Variants in STPG1 observed in about 807,000 individuals in gnomAD.
STPG1 encodes sperm tail PG-rich repeat containing 1, also known as O(6)-methylguanine-induced apoptosis 2.
In STPG1, 33 loss-of-function variants were observed where a neutral mutation model predicts 40.1. The observed-to-expected ratio is 0.82, with a 90% CI of 0.62 to 1.10. The LOEUF (loss-of-function observed/expected upper bound fraction) is 1.10, where lower values mean the gene tolerates loss of function less well. Ranked by LOEUF, STPG1 falls within the 50% of genes least tolerant of loss-of-function variation. The pLI is 0.00. For synonymous variants in STPG1, 150 were observed against 155.0 expected, an observed-to-expected ratio of 0.97 and a Z score of 0.24; for missense variants, 396 against 415.1, an observed-to-expected ratio of 0.95 and a Z score of 0.40.
intron 7 of STPG1, among the ~76,000 whole-genome samples, chr1:24,368,472 G>A (rs1321760092): frequency 1.3e-5 from 2 of 152,196 alleles, no homozygotes; most frequent in South Asian, 4.1e-4. Context: ...CTACGCATGG[G>A]TGAGAGCTGA....
At chr1:24,413,286 C>G (rs1230297059) in intron 1 of STPG1, among the ~76,000 whole-genome samples, 2 of 152,230 alleles carry the variant, frequency 1.3e-5, no homozygotes, top group African/African-American at 4.8e-5. Flanking sequence ...GGGGACACCC[C>G]CTGAGCTGGG....
At chr1:24,395,730 C>T (rs977968329) in intron 2 of STPG1, among the ~76,000 whole-genome samples, 1 of 152,050 alleles carries the variant, frequency 6.6e-6, no homozygotes, top group African/African-American at 2.4e-5. Flanking sequence ...CCAAACCCAG[C>T]CTTGAATAAT....
At chr1:24,374,114 G>C (rs775461505) in intron 5 of STPG1, among the ~76,000 whole-genome samples, 3 of 152,036 alleles carry the variant, frequency 2.0e-5, no homozygotes, top group Non-Finnish European at 4.4e-5. Context: ...GTGTGGCCCC[G>C]CATCAGTTCT....
At chr1:24,379,895 G>T in intron 4 of STPG1, 72 bp from the exon 5 acceptor site, 1 of 1,489,704 alleles carries the variant, frequency 6.7e-7, no homozygotes, top group Non-Finnish European at 9.2e-7. Flanking sequence ...ATGTCAAAAA[G>T]ATGGTGACCA....
At chr1:24,408,963 A>C (rs931444665) in intron 1 of STPG1, among the ~76,000 whole-genome samples, 13 of 152,218 alleles carry the variant, frequency 8.5e-5, no homozygotes, top group African/African-American at 2.2e-4. Context: ...TAATAGAATT[A>C]TTGACAACAT....
intron 7 of STPG1, among the ~76,000 whole-genome samples, chr1:24,365,070 G>A (rs1477352728): frequency 1.3e-5 from 2 of 152,314 alleles, no homozygotes; most frequent in East Asian, 1.9e-4. Flanking sequence ...TGCCTCTGGG[G>A]TGGAATGCAG....
intron 5 of STPG1, among the ~76,000 whole-genome samples, chr1:24,378,906 T>A (rs1197827138): frequency 1.3e-5 from 2 of 152,224 alleles, no homozygotes; most frequent in Non-Finnish European, 2.9e-5. Context: ...TTGCTTGTAT[T>A]TAAGGGTAAG....
chr1:24,378,749 A>C (rs1346135713), intron 5 of STPG1, among the ~76,000 whole-genome samples: 1 of 152,248 alleles, frequency 6.6e-6, no homozygotes, highest in East Asian at 1.9e-4. Context: ...AAACCAAAAT[A>C]GTTTGGAAAA....
At position 24,383,906 on chromosome 1, in the gene STPG1, G is replaced by A; in HGVS notation, c.287C>T (p.Ser96Leu). 6.2e-7 allele frequency: 1 copy of A among 1,605,006 alleles called. No individual in the cohort carries two copies. The highest frequency in any genetic ancestry group is 8.5e-7 in the Non-Finnish European group (1 of 1,171,616). The change falls in exon 4 of 9, where the codon TCA becomes TTA. Residue 96 changes from serine to leucine, a missense_variant. Ser to Leu is a moderately radical substitution (Grantham distance 145). Transcript: ENST00000337248. ...LSKKGTCMFP[S>L]MCARLDTIIS... ...CTCAAGAGAAGTGGTTCTCACCATT[G>A]AGGGAAACATGCAAGTTCCTTTCTT...
intron 6 of STPG1, among the ~76,000 whole-genome samples, chr1:24,372,048 C>T (rs544129238): frequency 6.6e-6 from 1 of 152,224 alleles, no homozygotes; most frequent in South Asian, 2.1e-4. Flanking sequence ...CGTGGCGGCG[C>T]ATGCCTGTAA....
chr1:24,412,589 T>G (rs1557469297), intron 1 of STPG1, among the ~76,000 whole-genome samples: 2 of 152,176 alleles, frequency 1.3e-5, no homozygotes, highest in African/African-American at 4.8e-5. Context: ...CCAGGCATGG[T>G]GGCCCACACC....
chr1:24,401,445 TCTC>T lies in STPG1; in HGVS notation c.-60_-58del. ...TTTGATGAAAAGTTCTACTGCATGT[TCTC>T]CTAAGCACCTGAAACAGCAAAACAC... On this transcript the variant is annotated 5_prime_UTR_variant, in exon 2 of 9. Coordinates refer to ENST00000337248, the MANE Select transcript of STPG1 (RefSeq NM_001199013.2). 6.7e-7 allele frequency: 1 copy of T among 1,482,258 alleles called. No individual in the cohort carries two copies. Among genetic ancestry groups the T allele is most frequent in the Non-Finnish European group, 9.4e-7 (1 of 1,063,692 alleles). 91.8% of individuals were successfully genotyped at this position (1,482,258 alleles called of 1,614,324 possible). A position where few individuals can be genotyped will look rare whatever the true frequency, so the allele number is the denominator to read the frequency against.
intron 8 of STPG1, among the ~76,000 whole-genome samples, chr1:24,360,425 G>A (rs1172000405): frequency 2.0e-5 from 3 of 152,088 alleles, no homozygotes; most frequent in African/African-American, 4.8e-5. Context: ...CAGCCTGGGC[G>A]ATACAGCGAG....
chr1:24,395,669 T>C (rs1400236686), intron 2 of STPG1, among the ~76,000 whole-genome samples: 5 of 152,298 alleles, frequency 3.3e-5, no homozygotes, highest in African/African-American at 9.6e-5. Flanking sequence ...CCTGACCTCA[T>C]GATCTGCCCG....
At chr1:24,409,474 T>C (rs545552659) in intron 1 of STPG1, among the ~76,000 whole-genome samples, 1 of 152,362 alleles carries the variant, frequency 6.6e-6, no homozygotes, top group East Asian at 1.9e-4. Context: ...AATGTATTAG[T>C]GTTCTGGAAT....
intron 1 of STPG1, among the ~76,000 whole-genome samples, chr1:24,412,783 G>A (rs984879912): frequency 6.6e-6 from 1 of 152,160 alleles, no homozygotes; most frequent in Non-Finnish European, 1.5e-5. Context: ...GAATACTAGA[G>A]GTAGACACCT....
rs144426656 is a variant in STPG1, at chr1:24,359,324, G to A, written c.929-705C>T. 8.5e-5 allele frequency among the ~76,000 whole-genome samples: 13 copies of A among 152,356 alleles called. No individual in the cohort carries two copies. The highest frequency in any genetic ancestry group is 2.9e-4 in the African/African-American group (12 of 41,584). On this transcript the variant is annotated intron_variant, in intron 8 of 8. Coordinates refer to ENST00000337248, the MANE Select transcript of STPG1 (RefSeq NM_001199013.2). The surrounding 1 kb of genome is among the most constrained non-coding windows in gnomAD (Gnocchi z 5.3). Reference sequence around the variant, plus strand: ...CACATACGGCATGGAAAAGTCATTCGGGCAATGCTTCCAGAGGATGTGGTA... The same window carrying A: ...CACATACGGCATGGAAAAGTCATTCAGGCAATGCTTCCAGAGGATGTGGTA...
At chr1:24,393,220 G>T (rs567867171) in intron 2 of STPG1, among the ~76,000 whole-genome samples, 1 of 152,324 alleles carries the variant, frequency 6.6e-6, no homozygotes, top group African/African-American at 2.4e-5. Context: ...CAATAAACAC[G>T]ATGGGGAGAG....
intron 4 of STPG1, among the ~76,000 whole-genome samples, chr1:24,381,822 G>A (rs1389751618): frequency 6.6e-6 from 1 of 152,286 alleles, no homozygotes; most frequent in East Asian, 1.9e-4. Flanking sequence ...AGCGGAGGAG[G>A]TGCTAAAGGT....
Sources: allele counts gnomAD v4.1 joint callset (sites outside exome capture counted in the v4.1 genomes callset), GRCh38; gene constraint gnomAD v4.1.1; non-coding constraint Gnocchi (gnomAD v3.1); transcripts MANE v1.5; gene names NCBI Gene and HGNC (gene_info 2026-07-23, HGNC 2026-07-21).